The following WDR64 variants were observed in gnomAD, a reference collection of about 807,000 sequenced individuals.
WDR64 encodes the protein WD repeat-containing protein 64.
A neutral mutation model predicts 139.3 loss-of-function variants in WDR64; 112 were observed. The ratio of observed to expected loss-of-function variants is 0.80; its 90% CI spans 0.69 to 0.94. The LOEUF (loss-of-function observed/expected upper bound fraction) is 0.94. Ranked by LOEUF, WDR64 falls within the 40% of genes least tolerant of loss-of-function variation. The probability of loss-of-function intolerance (pLI) is 0.00; values close to 1 mark genes in which losing one functional copy is unlikely to be tolerated. For synonymous variants in WDR64, 444 were observed against 437.7 expected (o/e 1.01, Z -0.18); for missense variants, 1,206 against 1,293.1 (o/e 0.93, Z 1.03).
chr1:241,800,087 C>A (rs1244262962), intron 27 of WDR64, among the ~76,000 whole-genome samples: 1 of 152,028 alleles, frequency 6.6e-6, no homozygotes. Flanking sequence ...AGTGAATTAG[C>A]CTTTAAAACA....
Position 241,671,148 on chromosome 1 carries a change from G to C in WDR64, c.351G>C (p.Val117=). The change falls in exon 3 of 28, where the codon GTG becomes GTC. Residue 117 remains valine, a synonymous_variant. Transcript: ENST00000437684. ...ATGAAGAAAATTTGGTTTTCTTTGTGTCTAGAAAAAGGCGAATTTTAATTT... is the reference window on the plus strand; with the variant it reads ...ATGAAGAAAATTTGGTTTTCTTTGTCTCTAGAAAAAGGCGAATTTTAATTT... ...QLDEENLVFF[V]SRKRRILISG... 3.9e-6 allele frequency: 6 copies of C among 1,550,582 alleles called. No individual in the cohort carries two copies. Among genetic ancestry groups the C allele is most frequent in the Non-Finnish European group, 5.2e-6 (6 of 1,146,564 alleles).
intron 10 of WDR64, among the ~76,000 whole-genome samples, chr1:241,730,859 T>C: frequency 6.6e-6 from 1 of 152,196 alleles, no homozygotes; most frequent in African/African-American, 2.4e-5. Context: ...GACATAGACA[T>C]CAAGTTCAAT....
rs150163107 is a variant in WDR64 at position 241,703,186 on chromosome 1, G to A, written c.975-8616G>A. Among the ~76,000 whole-genome samples the A allele has an allele frequency of 4.6e-5, 7 of 152,054 alleles. No individual in the cohort carries two copies. The highest frequency in any genetic ancestry group is 1.3e-4 in the Admixed American group (2 of 15,278). ...CTCACCGTCACCGGGAGAAAATATC[G>A]AGGGACTCTGCTGACTCAGTAGCCC... On this transcript the variant is annotated intron_variant, in intron 8 of 27. Coordinates refer to ENST00000437684, the MANE Select transcript of WDR64 (RefSeq NM_001367482.1). The surrounding 1 kb of genome is among the most constrained non-coding windows in gnomAD (Gnocchi z 5.9).
In WDR64 at chr1:241,707,019, C is replaced by T. The variant is rs565125656; in HGVS notation, c.975-4783C>T. Among the ~76,000 whole-genome samples, 10 of 152,192 alleles carry T rather than the reference C, an allele frequency of 6.6e-5. No individual in the cohort carries two copies. In the South Asian group the frequency reaches 1.0e-3, roughly 16 times the overall value. ...TGTGCATGTTGGCTGGCTCTGGGCC[C>T]GGGCTCCCCCTTTTCACAGGCATGC... On this transcript the variant is annotated intron_variant, in intron 8 of 27. Transcript: ENST00000437684.
intron 10 of WDR64, among the ~76,000 whole-genome samples, chr1:241,726,632 CAT>C (rs976574873): frequency 1.2e-4 from 18 of 152,046 alleles, no homozygotes; most frequent in African/African-American, 3.9e-4. Flanking sequence ...AGAAATATCA[CAT>C]AGACATTCAA....
chr1:241,654,772 A>G (rs1021191937), intron 1 of WDR64, among the ~76,000 whole-genome samples: 2 of 152,160 alleles, frequency 1.3e-5, no homozygotes, highest in African/African-American at 2.4e-5. Context: ...GCATATTAAT[A>G]TTTGCTTTCT....
intron 9 of WDR64, among the ~76,000 whole-genome samples, chr1:241,712,318 T>C (rs1668206193): frequency 6.6e-6 from 1 of 152,120 alleles, no homozygotes; most frequent in Non-Finnish European, 1.5e-5. Context: ...GCCAATGGTT[T>C]AGAGTTAACA....
intron 21 of WDR64, among the ~76,000 whole-genome samples, chr1:241,777,388 C>T (rs1335362649): frequency 6.6e-6 from 1 of 151,262 alleles, no homozygotes; most frequent in Non-Finnish European, 1.5e-5. Flanking sequence ...TCGCTGCATA[C>T]CACAAATTTT....
Position 241,793,948 on chromosome 1 carries a change from G to A in WDR64, c.2998-1259G>A, listed in dbSNP as rs545100105. Among the ~76,000 whole-genome samples, 46 of 152,320 alleles carry A rather than the reference G, an allele frequency of 3.0e-4. No homozygotes were observed. The South Asian group carries it at 8.9e-3, about 29-fold the overall frequency. On this transcript the variant is annotated intron_variant, in intron 25 of 27. Transcript: ENST00000437684. ...TATAATCTCAACACTTTGGGAGGCT[G>A]AGGCGGGTGGATCACCTGAAGTCAG... is the stretch of plus-strand genomic sequence containing the variant.
Position 241,652,341 on chromosome 1 carries a change from A to G in WDR64, c.-144A>G. On this transcript the variant is annotated 5_prime_UTR_variant, in exon 1 of 28. Transcript: ENST00000437684. ...AGTGGCAACTCTTACTCCTACCCGC[A>G]CTATGGGATTTTAAGATCAAAGGAA... 2 of 789,256 alleles carry G rather than the reference A, an allele frequency of 2.5e-6. No individual in the cohort carries two copies. Among genetic ancestry groups the G allele is most frequent in the Non-Finnish European group, 3.9e-6 (2 of 507,826 alleles). 48.9% of individuals were successfully genotyped at this position (789,256 alleles called of 1,614,324 possible). A position where few individuals can be genotyped will look rare whatever the true frequency, so the allele number is the denominator to read the frequency against.
chr1:241,678,505 G>C (rs114868152), intron 5 of WDR64, among the ~76,000 whole-genome samples: 16 of 152,272 alleles, frequency 1.1e-4, no homozygotes, highest in Non-Finnish European at 1.8e-4. Flanking sequence ...AGCATCTGCT[G>C]TTGGAGAATG....
At chr1:241,788,300 T>C (rs143271030) in intron 24 of WDR64, among the ~76,000 whole-genome samples, 1 of 152,320 alleles carries the variant, frequency 6.6e-6, no homozygotes, top group East Asian at 1.9e-4. Flanking sequence ...TGGGGGAAAT[T>C]TGACCATGCT....
intron 14 of WDR64, 34 bp downstream of exon 14, chr1:241,749,756 T>G (rs1404082842): frequency 6.5e-7 from 1 of 1,544,226 alleles, no homozygotes; most frequent in Admixed American, 1.9e-5. Flanking sequence ...GTACTGCAGG[T>G]GCCCTTTTTG....
chr1:241,662,231 G>A (rs765428940), intron 2 of WDR64, among the ~76,000 whole-genome samples: 5 of 152,162 alleles, frequency 3.3e-5, no homozygotes, highest in Non-Finnish European at 7.3e-5. Flanking sequence ...TAGTTTGCAT[G>A]GATCAGGAGT....
chr1:241,705,191 T>C (rs933209423), intron 8 of WDR64, among the ~76,000 whole-genome samples: 3 of 152,178 alleles, frequency 2.0e-5, no homozygotes, highest in African/African-American at 7.2e-5. Context: ...ATGTGACACA[T>C]GTACGCGATG....
intron 10 of WDR64, among the ~76,000 whole-genome samples, chr1:241,735,697 A>G (rs2148229697): frequency 6.6e-6 from 1 of 151,378 alleles, no homozygotes; most frequent in Non-Finnish European, 1.5e-5. Flanking sequence ...ATCATGCTCG[A>G]CTAATTTTTG....
intron 16 of WDR64, among the ~76,000 whole-genome samples, chr1:241,768,144 T>C (rs1040072371): frequency 2.4e-4 from 37 of 152,242 alleles, no homozygotes; most frequent in African/African-American, 8.9e-4. Flanking sequence ...CTTGTTAAAG[T>C]GCCTTGTTAT....
At chr1:241,677,248 G>GAT in intron 4 of WDR64, 1 of 397,724 alleles carries the variant, frequency 2.5e-6, no homozygotes. Context: ...TTCCATTAAA[G>GAT]ATATATATAG....
At chr1:241,743,388 G>T (rs1049524103) in intron 12 of WDR64, among the ~76,000 whole-genome samples, 1 of 152,026 alleles carries the variant, frequency 6.6e-6, no homozygotes, top group Non-Finnish European at 1.5e-5. Flanking sequence ...TTAAAAGTAC[G>T]GACTCTAGGG....
Sources: gnomAD v4.1 joint callset for allele counts (sites outside exome capture counted in the v4.1 genomes callset) on GRCh38, gnomAD v4.1.1 for gene constraint, Gnocchi (gnomAD v3.1) non-coding constraint, MANE v1.5 for transcripts, NCBI Gene and HGNC (gene_info 2026-07-23, HGNC 2026-07-21) for gene names.